CAND2: variants seen among roughly 807,000 people sequenced by gnomAD.
CAND2 encodes cullin-associated NEDD8-dissociated protein 2.
In CAND2, 62 loss-of-function variants were observed where a neutral mutation model predicts 98.9. That is an observed-to-expected ratio of 0.63 (90% confidence interval 0.51 to 0.77). CAND2 has a LOEUF of 0.77. CAND2 is among the 30% of genes least tolerant of loss of function. The probability of loss-of-function intolerance (pLI) is 0.00; values close to 1 mark genes in which losing one functional copy is unlikely to be tolerated. For missense variants in CAND2, 1,501 were observed against 1,655.2 expected (o/e 0.91, Z 1.62); for synonymous variants, 770 against 731.9 (o/e 1.05, Z -0.84).
intron 14 of CAND2, among the ~76,000 whole-genome samples, chr3:12,831,827 T>C (rs1456848004): frequency 1.3e-5 from 2 of 152,260 alleles, no homozygotes; most frequent in African/African-American, 4.8e-5. Flanking sequence ...GACCCACCTC[T>C]GTCTCTCCTT....
At chr3:12,813,122 T>TC in intron 6 of CAND2, 27 bp downstream of exon 6, 1 of 1,568,256 alleles carries the variant, frequency 6.4e-7, no homozygotes, top group Non-Finnish European at 8.7e-7. Flanking sequence ...TGCCTGGGGA[T>TC]CCCTTTGGGA....
intron 10 of CAND2, among the ~76,000 whole-genome samples, chr3:12,819,463 C>T (rs907305904): frequency 2.6e-5 from 4 of 152,202 alleles, no homozygotes; most frequent in African/African-American, 9.6e-5. Flanking sequence ...GAATGTACTT[C>T]CCCTCTTTAC....
chr3:12,810,335 A>G lies in CAND2; in HGVS notation c.757+11A>G. ...CCGGCCACCGCCTCGGTAAGGGGGC[A>G]GGGGGCGGGGCCTGGGCTGGCATGG... On this transcript the variant is annotated intron_variant, in intron 5 of 14. Transcript: ENST00000456430. 1 of 1,436,378 alleles carries G rather than the reference A, an allele frequency of 7.0e-7. No homozygotes were observed. The highest frequency in any genetic ancestry group is 9.1e-7 in the Non-Finnish European group (1 of 1,096,144). The allele number at this position is 1,436,378 out of a possible 1,614,324, so 89.0% of individuals were successfully genotyped here. A position where few individuals can be genotyped will look rare whatever the true frequency, so the allele number is the denominator to read the frequency against.
intron 5 of CAND2, 35 bp from the exon 6 acceptor site, chr3:12,812,951 GTGTC>G (rs1374088947): frequency 7.6e-7 from 1 of 1,316,140 alleles, no homozygotes; most frequent in Non-Finnish European, 1.1e-6. Flanking sequence ...CTCCGGGAGA[GTGTC>G]TGGCTTGGGT....
chr3:12,825,631 A>C lies in CAND2; in HGVS notation c.3202A>C (p.Ile1068Leu), dbSNP rs1380132058. The C allele has an allele frequency of 6.2e-7, 1 of 1,600,458 alleles. No individual in the cohort carries two copies. The highest frequency in any genetic ancestry group is 1.7e-5 in the Admixed American group (1 of 57,944). Reference sequence around the variant, plus strand: ...GGAGACAAAGATCCGGCGGGACCTCATCCGAGAGGTGTGGAGCAGAGCTGG... The same window carrying C: ...GGAGACAAAGATCCGGCGGGACCTCCTCCGAGAGGTGTGGAGCAGAGCTGG... ...YQETKIRRDL[I>L]REVEMGPFKH... The change falls in exon 12 of 15, where the codon ATC (isoleucine) becomes CTC (leucine). Residue 1068 changes from isoleucine (I) to leucine (L), a missense_variant. Physicochemically the swap from Ile to Leu is conservative, Grantham distance 5 (BLOSUM62 2). Coordinates refer to ENST00000456430, the MANE Select transcript of CAND2 (RefSeq NM_001162499.2).
intron 1 of CAND2, among the ~76,000 whole-genome samples, chr3:12,800,287 CAG>C (rs1248810462): frequency 9.8e-5 from 15 of 152,374 alleles, no homozygotes; most frequent in African/African-American, 3.4e-4. Context: ...CCCCTGGTAA[CAG>C]GGCACTGTGG....
rs531439250 is a variant in CAND2 at position 12,812,221 on chromosome 3, C to CTTTTTTTTT, written c.758-758_758-750dup. Among the ~76,000 whole-genome samples, 305 of 74,482 alleles carry CTTTTTTTTT rather than the reference C, an allele frequency of 4.1e-3. 53 individuals carry two copies. Among genetic ancestry groups the CTTTTTTTTT allele is most frequent in the African/African-American group, 0.013 (224 of 17,376 alleles). 48.9% of individuals were successfully genotyped at this position (74,482 alleles called of 152,430 possible). The stretch of plus-strand genomic sequence containing the variant: ...ACCATGCCCGGCCTAAGCTGTTTAT[C>CTTTTTTTTT]TTTTTTTTTTTTTTTTTTTGGAGAT... On this transcript the variant is annotated intron_variant, in intron 5 of 14. Coordinates refer to ENST00000456430, the MANE Select transcript of CAND2 (RefSeq NM_001162499.2).
chr3:12,834,077 C>A lies in CAND2; in HGVS notation c.*95C>A, dbSNP rs2062078432. 117 of 1,022,372 alleles carry A rather than the reference C, an allele frequency of 1.1e-4. No individual in the cohort carries two copies. In the South Asian group the frequency reaches 1.6e-3, roughly 14 times the overall value. The allele number at this position is 1,022,372 out of a possible 1,614,324, so 63.3% of individuals were successfully genotyped here. A position where few individuals can be genotyped will look rare whatever the true frequency, so the allele number is the denominator to read the frequency against. On this transcript the variant is annotated 3_prime_UTR_variant, in exon 15 of 15. Coordinates refer to ENST00000456430, the MANE Select transcript of CAND2 (RefSeq NM_001162499.2). ...CCACCATCGCAGGTCTCTACTTTTG[C>A]CCTTCCACCATCTCACTGGGGGCCC...
intron 2 of CAND2, among the ~76,000 whole-genome samples, chr3:12,806,875 C>T (rs889493398): frequency 6.6e-6 from 1 of 152,180 alleles, no homozygotes; most frequent in Admixed American, 6.5e-5. Flanking sequence ...AGAGGTTCTC[C>T]AAGTGTGCTC....
intron 1 of CAND2, 57 bp from the exon 2 acceptor site, chr3:12,803,431 C>A: frequency 6.6e-7 from 1 of 1,514,232 alleles, no homozygotes; most frequent in Non-Finnish European, 8.9e-7. Flanking sequence ...GAGGTACTGC[C>A]CAAATCCACC....
In CAND2 at chr3:12,834,046, C is replaced by T; in HGVS notation, c.*64C>T. On this transcript the variant is annotated 3_prime_UTR_variant, in exon 15 of 15. Transcript: ENST00000456430. ...GGAGCCCACCCAAGTCCGAGGCCTC[C>T]CCATCCCACCATCGCAGGTCTCTAC... 1 of 1,316,886 alleles carries T rather than the reference C, an allele frequency of 7.6e-7. No homozygotes were observed. 81.6% of individuals were successfully genotyped at this position (1,316,886 alleles called of 1,614,324 possible). A position where few individuals can be genotyped will look rare whatever the true frequency, so the allele number is the denominator to read the frequency against.
At position 12,827,423 on chromosome 3, in the gene CAND2, C is replaced by T. The variant is rs1232877652; in HGVS notation, c.3211-17C>T. On this transcript the variant is annotated splice_polypyrimidine_tract_variant and intron_variant, in intron 12 of 14. Transcript: ENST00000456430. ...TACACCCTGGGGCCATATCACCAAC[C>T]TTCATCCCTCCTGCAGGTGGAGATG... 1.2e-6 allele frequency: 2 copies of T among 1,608,570 alleles called. No homozygotes were observed. The highest frequency in any genetic ancestry group is 1.1e-5 in the South Asian group (1 of 90,096).
chr3:12,831,660 C>T (rs1416901573), intron 14 of CAND2, 88 bp downstream of exon 14: 12 of 756,196 alleles, frequency 1.6e-5, no homozygotes, highest in Non-Finnish European at 2.6e-5. Context: ...TGAGCACTTC[C>T]TGCAGTGCAG....
At chr3:12,827,315 A>G (rs1336965320) in intron 12 of CAND2, 125 bp from the exon 13 acceptor site, 3 of 819,956 alleles carry the variant, frequency 3.7e-6, no homozygotes, top group East Asian at 5.2e-5. Flanking sequence ...TGGAGACTTG[A>G]GAGTATAAGG....
intron 11 of CAND2, among the ~76,000 whole-genome samples, chr3:12,824,202 G>A (rs1300040301): frequency 9.2e-5 from 14 of 152,096 alleles, no homozygotes; most frequent in African/African-American, 2.2e-4. Flanking sequence ...AAACCTGCAC[G>A]TTGTGCACAT....
chr3:12,804,090 C>A (rs569301950), intron 2 of CAND2, among the ~76,000 whole-genome samples: 22 of 152,238 alleles, frequency 1.4e-4, no homozygotes, highest in African/African-American at 5.3e-4. Context: ...CTGCCTGCCA[C>A]CTCCAGCCAG....
Position 12,816,674 on chromosome 3 carries a change from C to A in CAND2, c.1742C>A (p.Thr581Asn). The A allele has an allele frequency of 1.2e-6, 2 of 1,613,792 alleles. No homozygotes were observed. ...GTCACCCTGGCGCGACTTCGTGCCA[C>A]TGACCTGGACCAGGAGGTGAAGGAG... ...SAVTLARLRA[T>N]DLDQEVKERA... The change falls in exon 10 of 15, where the codon ACT becomes AAT. Residue 581 changes from threonine to asparagine, a missense_variant. This residue lies in a region of CAND2 where 1,427 missense variants were observed against 1,545.3 expected (regional missense o/e 0.92). Coordinates refer to ENST00000456430, the MANE Select transcript of CAND2 (RefSeq NM_001162499.2).
chr3:12,800,684 T>A (rs2061759160), intron 1 of CAND2, among the ~76,000 whole-genome samples: 1 of 152,204 alleles, frequency 6.6e-6, no homozygotes, highest in Non-Finnish European at 1.5e-5. Context: ...TACTCAAATA[T>A]TCTGTTTTCA....
At chr3:12,803,466 C>CT in intron 1 of CAND2, 22 bp from the exon 2 acceptor site, 1 of 1,573,538 alleles carries the variant, frequency 6.4e-7, no homozygotes, top group Non-Finnish European at 8.6e-7. Flanking sequence ...GCTCAGCAAT[C>CT]TCCTCCACCC....
Sources: allele counts gnomAD v4.1 joint callset (sites outside exome capture counted in the v4.1 genomes callset), GRCh38; gene constraint gnomAD v4.1.1; regional missense constraint gnomAD v4.1.1; transcripts MANE v1.5; gene names NCBI Gene and HGNC (gene_info 2026-07-23, HGNC 2026-07-21).